SLCO4A1: variants seen among roughly 807,000 people sequenced by gnomAD.
SLCO4A1 encodes solute carrier organic anion transporter family member 4A1.
In SLCO4A1, 51 loss-of-function variants were observed where a neutral mutation model predicts 64.6. The observed-to-expected ratio is 0.79, with a 90% CI of 0.63 to 1.00. The LOEUF (loss-of-function observed/expected upper bound fraction) is 1.00. SLCO4A1 is among the 50% of genes least tolerant of loss of function. SLCO4A1 has a pLI of 0.00. For missense variants in SLCO4A1, 919 were observed against 980.5 expected, an observed-to-expected ratio of 0.94 and a Z score of 0.84; for synonymous variants, 471 against 444.9, an observed-to-expected ratio of 1.06 and a Z score of -0.74.
rs142318874 is a variant in SLCO4A1, at chr20:62,646,337, C to T, written c.-97+3784C>T. On this transcript the variant is annotated intron_variant, in intron 1 of 11. Transcript: ENST00000217159. Reference sequence around the variant, plus strand: ...CTGCTCTGCACAGCAGGCTGGGAAGCAGGCCCTGTGCCCAAGGACTAGCCT... The same window carrying T: ...CTGCTCTGCACAGCAGGCTGGGAAGTAGGCCCTGTGCCCAAGGACTAGCCT... Among the ~76,000 whole-genome samples the T allele has an allele frequency of 3.3e-3, 504 of 152,348 alleles. 2 individuals carry two copies. The highest frequency in any genetic ancestry group is 0.011 in the African/African-American group (476 of 41,586).
chr20:62,666,793 G>A (rs772408860), intron 7 of SLCO4A1: 8 of 582,352 alleles, frequency 1.4e-5, no homozygotes, highest in South Asian at 6.1e-5. Context: ...CTTGGGTCCC[G>A]GCTGTGCCCC....
chr20:62,668,674 T>A (rs1237201097), intron 10 of SLCO4A1, 133 bp downstream of exon 10: 2 of 905,574 alleles, frequency 2.2e-6, no homozygotes, highest in African/African-American at 3.3e-5. Context: ...AGGGGTCCAT[T>A]CCCTAACTGT....
chr20:62,664,898 C>T lies in SLCO4A1; in HGVS notation c.1122-36C>T, dbSNP rs1048509681. The T allele has an allele frequency of 4.5e-6, 7 of 1,555,852 alleles. No homozygotes were observed. In the Admixed American group the frequency reaches 5.8e-5, roughly 13 times the overall value. On this transcript the variant is annotated intron_variant, in intron 5 of 11. Coordinates refer to ENST00000217159, the MANE Select transcript of SLCO4A1 (RefSeq NM_016354.4). ...CCCGACCTCTGCCCACCACTCTGACCCTCAGTCTCTTCTCCACACCCCCAC... is the reference window on the plus strand; with the variant it reads ...CCCGACCTCTGCCCACCACTCTGACTCTCAGTCTCTTCTCCACACCCCCAC...
chr20:62,656,207 G>T (rs947077620), intron 1 of SLCO4A1, among the ~76,000 whole-genome samples, 152 bp from the exon 2 acceptor site: 1 of 152,252 alleles, frequency 6.6e-6, no homozygotes, highest in Non-Finnish European at 1.5e-5. Flanking sequence ...GTGTGGGCCT[G>T]GCCAGACGCC....
In SLCO4A1 at chr20:62,668,463, G is replaced by GT. The variant is rs1569146356; in HGVS notation, c.1812-10dup. 6.2e-7 allele frequency: 1 copy of GT among 1,613,784 alleles called. No individual in the cohort carries two copies. The highest frequency in any genetic ancestry group is 2.2e-5 in the East Asian group (1 of 44,876). ...CACTTCTGTGGGTGCTGACGCTGTGGTTTTCTATTGCAGATGTGTCCGTGA... is the reference window on the plus strand; with the variant it reads ...CACTTCTGTGGGTGCTGACGCTGTGGTTTTTCTATTGCAGATGTGTCCGTGA... On this transcript the variant is annotated splice_polypyrimidine_tract_variant and intron_variant, in intron 9 of 11. Transcript: ENST00000217159.
chr20:62,677,379 A>T (rs8124973), intron 2 of SLCO4A1, among the ~76,000 whole-genome samples: 1 of 152,102 alleles, frequency 6.6e-6, no homozygotes, highest in Non-Finnish European at 1.5e-5. Flanking sequence ...CCTGTAGACC[A>T]TGGAGATCTG....
At chr20:62,682,092 G>A (rs1421443771) in intron 2 of SLCO4A1, among the ~76,000 whole-genome samples, 3 of 152,204 alleles carry the variant, frequency 2.0e-5, no homozygotes, top group Admixed American at 6.5e-5. Context: ...AGACTGCTGC[G>A]TGCCTCTCCC....
intron 2 of SLCO4A1, among the ~76,000 whole-genome samples, chr20:62,657,787 G>A (rs893321543): frequency 2.0e-5 from 3 of 152,362 alleles, no homozygotes; most frequent in South Asian, 2.1e-4. Context: ...TGTCTGCTCC[G>A]GCAGCCACAT....
intron 9 of SLCO4A1, 100 bp downstream of exon 9, chr20:62,668,284 C>T (rs1181980214): frequency 1.4e-6 from 2 of 1,414,080 alleles, no homozygotes. Flanking sequence ...AGGAAACACC[C>T]AGGTCTAAGC....
chr20:62,646,064 G>C (rs1171949562), intron 1 of SLCO4A1, among the ~76,000 whole-genome samples: 1 of 152,170 alleles, frequency 6.6e-6, no homozygotes, highest in African/African-American at 2.4e-5. Flanking sequence ...GTGCCAGGCA[G>C]GTTCCTCATC....
chr20:62,675,157 G>T (rs545139987), downstream of SLCO4A1, among the ~76,000 whole-genome samples: 3 of 152,336 alleles, frequency 2.0e-5, no homozygotes, highest in South Asian at 6.2e-4. Flanking sequence ...ACACAGTGGA[G>T]GCTCCCGCCC....
chr20:62,682,695 C>T (rs532515863), intron 2 of SLCO4A1, among the ~76,000 whole-genome samples: 13 of 152,182 alleles, frequency 8.5e-5, no homozygotes, highest in Admixed American at 4.6e-4. Flanking sequence ...TGCAGTGTCC[C>T]GGTGAATGGG....
In SLCO4A1 at chr20:62,645,994, T is replaced by G. The variant is rs934382438; in HGVS notation, c.-97+3441T>G. On this transcript the variant is annotated intron_variant, in intron 1 of 11. Coordinates refer to ENST00000217159, the MANE Select transcript of SLCO4A1 (RefSeq NM_016354.4). The surrounding 1 kb of genome is among the most constrained non-coding windows in gnomAD (Gnocchi z 4.2). Reference sequence around the variant, plus strand: ...GGACTCTGCCTTTCGGGAGGCGCTGTGGACCTGAGATTTGGACCCATGGGC... The same window carrying G: ...GGACTCTGCCTTTCGGGAGGCGCTGGGGACCTGAGATTTGGACCCATGGGC... Among the ~76,000 whole-genome samples, 1 of 152,158 alleles carries G rather than the reference T, an allele frequency of 6.6e-6. No homozygotes were observed. Among genetic ancestry groups the G allele is most frequent in the Admixed American group, 6.5e-5 (1 of 15,286 alleles).
chr20:62,644,500 G>A lies in SLCO4A1; in HGVS notation c.-97+1947G>A, dbSNP rs1252077391. 1.3e-5 allele frequency among the ~76,000 whole-genome samples: 2 copies of A among 152,224 alleles called. No individual in the cohort carries two copies. Among genetic ancestry groups the A allele is most frequent in the East Asian group, 3.9e-4 (2 of 5,192 alleles). On this transcript the variant is annotated intron_variant, in intron 1 of 11. Coordinates refer to ENST00000217159, the MANE Select transcript of SLCO4A1 (RefSeq NM_016354.4). This position sits in a 1 kb window ranked among gnomAD's most constrained non-coding sequence, Gnocchi z 5.4. ...TGGGCCAGGTGAAGGGTGGCCAGGT[G>A]GATGGACATGCTCTCCTTGCTAGAC...
Position 62,685,358 on chromosome 20 carries a change from C to T in SLCO4A1, n.212-83C>T. ...GGTGCCCAAGGGTGGGTTCGTGGGG[C>T]AACTGCACCCGCTCCCTTCCACTCT... is the stretch of plus-strand genomic sequence containing the variant. On this transcript the variant is annotated intron_variant and non_coding_transcript_variant, in intron 2 of 2. Coordinates refer to the SLCO4A1 transcript ENST00000466818. This position sits in a 1 kb window ranked among gnomAD's most constrained non-coding sequence, Gnocchi z 4.6. The T allele has an allele frequency of 1.3e-6, 1 of 750,594 alleles. No homozygotes were observed. The allele number at this position is 750,594 out of a possible 1,614,324, so 46.5% of individuals were successfully genotyped here.
intron 1 of SLCO4A1, among the ~76,000 whole-genome samples, chr20:62,646,508 G>A (rs1601603242): frequency 1.3e-5 from 2 of 152,374 alleles, no homozygotes; most frequent in Admixed American, 6.5e-5. Flanking sequence ...GAGGCACAGC[G>A]GGGGTCCTGA....
intron 7 of SLCO4A1, 31 bp downstream of exon 7, chr20:62,666,606 C>T (rs547303840): frequency 6.3e-6 from 10 of 1,598,632 alleles, no homozygotes; most frequent in South Asian, 3.3e-5. Context: ...GGGTACGCGT[C>T]GGGGCCCCAA....
chr20:62,666,379 G>C lies in SLCO4A1; in HGVS notation c.1277-1G>C. ...CTGGCTGAATCCCTCCCTCTCCCCA[G>C]GGTACCTGGTGGTGCCAGCGGGTGG... On this transcript the variant is annotated splice_acceptor_variant, in intron 6 of 11. Coordinates refer to ENST00000217159, the MANE Select transcript of SLCO4A1 (RefSeq NM_016354.4). LOFTEE classifies it high-confidence loss of function. 2 of 1,612,370 alleles carry C rather than the reference G, an allele frequency of 1.2e-6. No homozygotes were observed. The highest frequency in any genetic ancestry group is 1.7e-6 in the Non-Finnish European group (2 of 1,179,668).
intron 3 of SLCO4A1, 45 bp from the exon 4 acceptor site, chr20:62,660,367 C>T (rs1235863593): frequency 1.9e-6 from 3 of 1,588,734 alleles, no homozygotes; most frequent in Admixed American, 1.7e-5. Context: ...ATGGAGGGCA[C>T]AGGTGGGCTG....
Sources: allele counts gnomAD v4.1 joint callset (sites outside exome capture counted in the v4.1 genomes callset), GRCh38; gene constraint gnomAD v4.1.1; non-coding constraint Gnocchi (gnomAD v3.1); transcripts MANE v1.5; gene names NCBI Gene and HGNC (gene_info 2026-07-23, HGNC 2026-07-21).